Variants in GABRA3 observed in about 807,000 individuals in gnomAD.
GABRA3 encodes gamma-aminobutyric acid type A receptor subunit alpha3, also known as gamma-aminobutyric acid receptor subunit alpha-3.
Under a neutral mutation model 30.1 loss-of-function variants are expected in GABRA3, and 10 were observed. The ratio of observed to expected loss-of-function variants is 0.33; its 90% CI spans 0.20 to 0.56. GABRA3 has a LOEUF of 0.56. GABRA3 is among the 20% of genes least tolerant of loss of function. GABRA3 has a pLI of 0.89. For synonymous variants in GABRA3, 151 were observed against 146.8 expected (o/e 1.03, Z -0.21); for missense variants, 233 against 392.0 (o/e 0.59, Z 3.42).
At chrX:152,318,439 G>C in intron 3 of GABRA3, among the ~76,000 whole-genome samples, 1 of 111,599 alleles carries the variant, frequency 9.0e-6, no homozygotes, top group East Asian at 2.8e-4. Context: ...TATTTAACAA[G>C]ATAGAGAAAC....
At chrX:152,195,843 A>C (rs1324222466) in intron 8 of GABRA3, among the ~76,000 whole-genome samples, 1 of 111,423 alleles carries the variant, frequency 9.0e-6, no homozygotes, top group Admixed American at 9.6e-5. Context: ...TCACACTCCC[A>C]AGTTCCAGGG....
chrX:152,388,851 T>A lies in GABRA3; in HGVS notation c.-26-24255A>T, dbSNP rs773757405. 7.1e-5 allele frequency among the ~76,000 whole-genome samples: 8 copies of A among 112,255 alleles called. No homozygotes were observed. The South Asian group carries it at 3.0e-3, about 41-fold the overall frequency. ...TATCACTTAAGTTTGAAAAATTCAT[T>A]ATAATGGACACTCAAACAACTCTGC... On this transcript the variant is annotated intron_variant, in intron 1 of 9. Transcript: ENST00000370314.
chrX:152,409,867 C>T (rs1400666844), intron 1 of GABRA3, among the ~76,000 whole-genome samples: 1 of 111,923 alleles, frequency 8.9e-6, no homozygotes, highest in Non-Finnish European at 1.9e-5. Flanking sequence ...TCATTATATA[C>T]CCAAAAGAAA....
intron 1 of GABRA3, among the ~76,000 whole-genome samples, chrX:152,405,226 A>T (rs1419155125): frequency 9.6e-6 from 1 of 104,374 alleles, no homozygotes; most frequent in Non-Finnish European, 2.0e-5. Flanking sequence ...TCACAGTGGA[A>T]CATAATACAA....
intron 1 of GABRA3, among the ~76,000 whole-genome samples, chrX:152,426,108 A>C (rs964457561): frequency 9.0e-6 from 1 of 111,590 alleles, no homozygotes; most frequent in Non-Finnish European, 1.9e-5. Context: ...ATGCCATCCA[A>C]GAAAGGTCAG....
intron 2 of GABRA3, among the ~76,000 whole-genome samples, chrX:152,346,938 C>T (rs915874086): frequency 1.8e-5 from 2 of 111,502 alleles, no homozygotes; most frequent in African/African-American, 6.5e-5. Flanking sequence ...TTGGTGGTTC[C>T]TCAAAATATT....
intron 2 of GABRA3, among the ~76,000 whole-genome samples, chrX:152,363,765 T>C (rs1928576222): frequency 8.9e-6 from 1 of 112,052 alleles, no homozygotes; most frequent in African/African-American, 3.2e-5. Flanking sequence ...TATTAAACTA[T>C]ATATTTATAT....
At chrX:152,170,516 A>C (rs369663039) in intron 9 of GABRA3, among the ~76,000 whole-genome samples, 1 of 111,525 alleles carries the variant, frequency 9.0e-6, no homozygotes, top group South Asian at 3.8e-4. Flanking sequence ...ATGTCTCACT[A>C]TGTTGCCCAG....
chrX:152,404,250 C>T (rs767946121), intron 1 of GABRA3, among the ~76,000 whole-genome samples: 1 of 111,517 alleles, frequency 9.0e-6, no homozygotes, highest in East Asian at 2.8e-4. Context: ...AGACAAACCA[C>T]AGCAGAAAAT....
chrX:152,266,481 A>AG (rs1156949244), intron 4 of GABRA3, among the ~76,000 whole-genome samples: 2 of 111,975 alleles, frequency 1.8e-5, no homozygotes, highest in African/African-American at 6.5e-5. Flanking sequence ...TTGACAGAAA[A>AG]GTAACGATCA....
chrX:152,192,306 G>A (rs1462832136), intron 8 of GABRA3, among the ~76,000 whole-genome samples: 1 of 111,832 alleles, frequency 8.9e-6, no homozygotes, highest in Non-Finnish European at 1.9e-5. Context: ...TTCAAGACTA[G>A]AAAACATTTC....
intron 5 of GABRA3, among the ~76,000 whole-genome samples, chrX:152,232,485 G>A (rs1030679612): frequency 7.3e-5 from 8 of 109,368 alleles, no homozygotes; most frequent in Non-Finnish European, 1.5e-4. Flanking sequence ...ACATTATTTA[G>A]TTCCCACTTA....
At chrX:152,171,374 TC>T in intron 9 of GABRA3, 1 of 650,507 alleles carries the variant, frequency 1.5e-6, no homozygotes, top group Non-Finnish European at 1.8e-6. Flanking sequence ...TTTAATTTCT[TC>T]CACCATTTTC....
intron 4 of GABRA3, among the ~76,000 whole-genome samples, chrX:152,268,165 T>A (rs1051023763): frequency 1.5e-4 from 17 of 111,500 alleles, no homozygotes; most frequent in African/African-American, 5.5e-4. Flanking sequence ...CCCACAGATT[T>A]TTTTTATGTT....
chrX:152,313,860 T>C (rs1939833491), intron 3 of GABRA3, among the ~76,000 whole-genome samples: 1 of 111,380 alleles, frequency 9.0e-6, no homozygotes, highest in African/African-American at 3.3e-5. Flanking sequence ...TTCCTTTCGA[T>C]AAGTGGTCTG....
intron 3 of GABRA3, among the ~76,000 whole-genome samples, chrX:152,286,315 G>A (rs5924733): frequency 0.079 from 8,565 of 108,246 alleles, 379 homozygotes; most frequent in Non-Finnish European, 0.12. Context: ...CCATTCCAGC[G>A]TACCTCAAAT....
At chrX:152,338,560 C>T (rs1187601323) in intron 3 of GABRA3, among the ~76,000 whole-genome samples, 1 of 111,769 alleles carries the variant, frequency 8.9e-6, no homozygotes, top group Non-Finnish European at 1.9e-5. Flanking sequence ...TTTATTTTTG[C>T]TTTTGTCATC....
At chrX:152,199,256 C>G (rs1384559189) in intron 7 of GABRA3, among the ~76,000 whole-genome samples, 2 of 104,983 alleles carry the variant, frequency 1.9e-5, no homozygotes, top group Admixed American at 2.0e-4. Context: ...GTCCCAGATA[C>G]TAGGGAGGCT....
At chrX:152,204,809 C>CTTTCACAG (rs1242650362) in intron 7 of GABRA3, among the ~76,000 whole-genome samples, 1 of 111,999 alleles carries the variant, frequency 8.9e-6, no homozygotes, top group Admixed American at 9.5e-5. Context: ...CAAATGTATT[C>CTTTCACAG]TTTCACAGTT....
Sources: allele counts gnomAD v4.1 joint callset (sites outside exome capture counted in the v4.1 genomes callset), GRCh38; gene constraint gnomAD v4.1.1; transcripts MANE v1.5; gene names NCBI Gene and HGNC (gene_info 2026-07-23, HGNC 2026-07-21).